UBE2O: variants seen among roughly 807,000 people sequenced by gnomAD.
The protein encoded by UBE2O is ubiquitin conjugating enzyme E2 O.
A neutral mutation model predicts 125.8 loss-of-function variants in UBE2O; 15 were observed. The ratio of observed to expected loss-of-function variants is 0.12; its 90% CI spans 0.08 to 0.18. The LOEUF (loss-of-function observed/expected upper bound fraction) is 0.18. Among genes scored for constraint, UBE2O ranks in the 10% least tolerant of loss-of-function variants. The probability of loss-of-function intolerance (pLI) is 1.00; values close to 1 mark genes in which losing one functional copy is unlikely to be tolerated. For synonymous variants in UBE2O, 708 were observed against 703.2 expected (o/e 1.01, Z -0.11); for missense variants, 1,280 against 1,723.6 (o/e 0.74, Z 4.56).
Position 76,399,473 on chromosome 17 carries a change from G to A in UBE2O, c.1604C>T (p.Thr535Ile), listed in dbSNP as rs1433080297. Residue 535 changes from threonine (T) to isoleucine (I), a missense_variant, in exon 9 of 18, where the codon ACT (threonine) becomes ATT (isoleucine). By Grantham distance (89) the Thr-to-Ile change is moderately conservative. This residue lies in a region of UBE2O where 145 missense variants were observed against 219.6 expected (regional missense o/e 0.66). Coordinates refer to ENST00000319380, the MANE Select transcript of UBE2O (RefSeq NM_022066.4). The surrounding 1 kb of genome is among the most constrained non-coding windows in gnomAD (Gnocchi z 6.9). ...CCTGTCCCCTGGCTTGAAGTCTCGA[G>A]TGATTTTATTCTTCTTCCTCTTGTG... ...RKHKRKKNKI[T>I]RDFKPGDRVA... 4.3e-6 allele frequency: 7 copies of A among 1,614,004 alleles called. No homozygotes were observed. Among genetic ancestry groups the A allele is most frequent in the Non-Finnish European group, 5.1e-6 (6 of 1,179,978 alleles).
At position 76,399,305 on chromosome 17, in the gene UBE2O, T is replaced by C; in HGVS notation, c.1628+144A>G. On this transcript the variant is annotated intron_variant, in intron 9 of 17. Coordinates refer to ENST00000319380, the MANE Select transcript of UBE2O (RefSeq NM_022066.4). This position sits in a 1 kb window ranked among gnomAD's most constrained non-coding sequence, Gnocchi z 6.9. The stretch of plus-strand genomic sequence containing the variant: ...TCCACCAGGGCCTACCCCAGGCACC[T>C]ACGTTGTCTCGGGTGGGAGCCCCGG... The C allele has an allele frequency of 1.1e-6, 1 of 869,780 alleles. No individual in the cohort carries two copies. Among genetic ancestry groups the C allele is most frequent in the South Asian group, 1.7e-5 (1 of 60,268 alleles). 53.9% of individuals were successfully genotyped at this position (869,780 alleles called of 1,614,324 possible). A position where few individuals can be genotyped will look rare whatever the true frequency, so the allele number is the denominator to read the frequency against.
At position 76,410,328 on chromosome 17, in the gene UBE2O, A is replaced by C. The variant is rs1456647370; in HGVS notation, c.418-4756T>G. On this transcript the variant is annotated intron_variant, in intron 1 of 17. Transcript: ENST00000319380. The surrounding 1 kb of genome is among the most constrained non-coding windows in gnomAD (Gnocchi z 4.0). ...ACCTAGGGGTAATTTTGCTCCTCAA[A>C]GGACATTTGGCAATGTCTGGAGACA... 1.3e-5 allele frequency among the ~76,000 whole-genome samples: 2 copies of C among 151,716 alleles called. No individual in the cohort carries two copies. The highest frequency in any genetic ancestry group is 4.8e-5 in the African/African-American group (2 of 41,304).
In UBE2O at chr17:76,401,056, C is replaced by T. The variant is rs1265232313; in HGVS notation, c.849G>A (p.Lys283=). 1.2e-6 allele frequency: 2 copies of T among 1,613,730 alleles called. No homozygotes were observed. The highest frequency in any genetic ancestry group is 3.3e-5 in the Admixed American group (2 of 60,000). The part of the protein sequence containing the change: ...FSSVQWLSGV[K]PVLSTKSKFR... ...ACTTGCTCTTGGTGCTGAGCACGGG[C>T]TTGACACCTGACAGCCACTGGACGC... Residue 283 remains lysine (K), a synonymous_variant, in exon 6 of 18, where the codon AAG becomes AAA. Transcript: ENST00000319380.
At chr17:76,406,702 T>G (rs1206957997) in intron 1 of UBE2O, among the ~76,000 whole-genome samples, 3 of 133,220 alleles carry the variant, frequency 2.3e-5, no homozygotes, top group South Asian at 2.7e-4. Flanking sequence ...GTTTTTTTTT[T>G]TTTTTTTTTT....
chr17:76,397,447 C>T (rs548172847), intron 13 of UBE2O, among the ~76,000 whole-genome samples: 8 of 152,152 alleles, frequency 5.3e-5, no homozygotes, highest in African/African-American at 1.4e-4. Flanking sequence ...TTCTCTCCTT[C>T]TCTGTTAGAG....
intron 1 of UBE2O, among the ~76,000 whole-genome samples, chr17:76,418,218 T>C (rs12453011): frequency 0.47 from 71,129 of 152,128 alleles, 19,140 homozygotes; most frequent in Non-Finnish European, 0.6. Context: ...TCTATACTAT[T>C]AGGCAAAAAA....
intron 1 of UBE2O, among the ~76,000 whole-genome samples, chr17:76,408,373 T>A (rs970827162): frequency 2.6e-5 from 4 of 152,216 alleles, no homozygotes; most frequent in Non-Finnish European, 5.9e-5. Context: ...AGCACATCAC[T>A]GCCATGCTCA....
chr17:76,440,820 G>C (rs1208969653), intron 1 of UBE2O, among the ~76,000 whole-genome samples: 1 of 152,218 alleles, frequency 6.6e-6, no homozygotes, highest in Non-Finnish European at 1.5e-5. Context: ...TAATGGCAAA[G>C]CTGAGTTGTT....
At chr17:76,423,896 CTT>C (rs746126675) in intron 1 of UBE2O, among the ~76,000 whole-genome samples, 14 of 83,506 alleles carry the variant, frequency 1.7e-4, no homozygotes, top group East Asian at 1.3e-3. Context: ...AGGTTGGGTT[CTT>C]TTTTTTTTTT....
Position 76,452,821 on chromosome 17 carries a change from C to T in UBE2O, c.321G>A (p.Ala107=), listed in dbSNP as rs755843042. 4 of 1,507,526 alleles carry T rather than the reference C, an allele frequency of 2.7e-6. No individual in the cohort carries two copies. Among genetic ancestry groups the T allele is most frequent in the South Asian group, 1.3e-5 (1 of 79,848 alleles). 93.4% of individuals were successfully genotyped at this position (1,507,526 alleles called of 1,614,324 possible). The stretch of plus-strand genomic sequence containing the variant: ...GGCTGGCCCGGCCCTCCTCGTGGCC[C>T]GCGCCCCCGGCCTCGGAGCACCCCG... ...GSSGCSEAGG[A]GHEEGRASPL... The change falls in exon 1 of 18, where the codon GCG becomes GCA. Residue 107 remains alanine, a synonymous_variant. Coordinates refer to ENST00000319380, the MANE Select transcript of UBE2O (RefSeq NM_022066.4). This position sits in a 1 kb window ranked among gnomAD's most constrained non-coding sequence, Gnocchi z 4.4.
chr17:76,398,635 A>G lies in UBE2O; in HGVS notation c.1784-51T>C. On this transcript the variant is annotated intron_variant, in intron 10 of 17. Transcript: ENST00000319380. The surrounding 1 kb of genome is among the most constrained non-coding windows in gnomAD (Gnocchi z 5.4). ...ACTAGCTAAGGGATCCCGGCTAAGG[A>G]GCCCACATCTCAAGCCAGTGCAGAG... 1 of 1,580,332 alleles carries G rather than the reference A, an allele frequency of 6.3e-7. No individual in the cohort carries two copies. Among genetic ancestry groups the G allele is most frequent in the South Asian group, 1.1e-5 (1 of 89,948 alleles).
chr17:76,431,423 G>A (rs1297134507), intron 1 of UBE2O, among the ~76,000 whole-genome samples: 1 of 152,190 alleles, frequency 6.6e-6, no homozygotes. Flanking sequence ...GGCTGAGGCA[G>A]GAGAATTGCT....
At position 76,401,128 on chromosome 17, in the gene UBE2O, G is replaced by A. The variant is rs1287817236; in HGVS notation, c.777C>T (p.Gly259=). The part of the protein sequence containing the change: ...DSGLFFDDSY[G]FYPGQVLIGP... ...CAATGAGCACCTGGCCTGGGTAGAA[G>A]CCATAGGAATCATCGAAGAAGAGAC... Residue 259 remains glycine, a synonymous_variant, in exon 6 of 18, where the codon GGC becomes GGT. Transcript: ENST00000319380. 6.2e-7 allele frequency: 1 copy of A among 1,613,820 alleles called. No homozygotes were observed. The highest frequency in any genetic ancestry group is 8.5e-7 in the Non-Finnish European group (1 of 1,180,026).
intron 1 of UBE2O, among the ~76,000 whole-genome samples, chr17:76,450,211 A>G (rs931902444): frequency 3.3e-5 from 5 of 152,166 alleles, no homozygotes. Flanking sequence ...GATGGAATTC[A>G]TAAGGAGCAG....
rs2072091473 is a variant in UBE2O at position 76,390,656 on chromosome 17, G to A, written c.*287C>T. The A allele has an allele frequency of 9.1e-6, 3 of 330,024 alleles. No homozygotes were observed. Among genetic ancestry groups the A allele is most frequent in the South Asian group, 1.0e-4 (2 of 19,720 alleles). 20.4% of individuals were successfully genotyped at this position (330,024 alleles called of 1,614,324 possible). The stretch of plus-strand genomic sequence containing the variant: ...TCTGACCTGAGAAGGGGCAGCAAGG[G>A]AGCAAGTGCCGGACATTCTGCTGGG... On this transcript the variant is annotated 3_prime_UTR_variant, in exon 18 of 18. Coordinates refer to ENST00000319380, the MANE Select transcript of UBE2O (RefSeq NM_022066.4).
chr17:76,399,776 T>A lies in UBE2O; in HGVS notation c.1301A>T (p.Glu434Val). 6.2e-7 allele frequency: 1 copy of A among 1,614,212 alleles called. No homozygotes were observed. The highest frequency in any genetic ancestry group is 8.5e-7 in the Non-Finnish European group (1 of 1,180,024). Residue 434 changes from glutamate to valine, a missense_variant, in exon 9 of 18, where the codon GAG becomes GTG. Transcript: ENST00000319380. The surrounding 1 kb of genome is among the most constrained non-coding windows in gnomAD (Gnocchi z 6.9). ...TGGACTGGCAGAGCCATCGGGCGTC[T>A]CCTCAGGGCTGGCAGACTCCGCTTC... ...KSEAESASPE[E>V]TPDGSASPVE...
chr17:76,396,092 CG>C lies in UBE2O; in HGVS notation c.2809+35del. On this transcript the variant is annotated intron_variant, in intron 14 of 17. Transcript: ENST00000319380. This position sits in a 1 kb window ranked among gnomAD's most constrained non-coding sequence, Gnocchi z 6.7. ...GACACAAACAGGAGCCCCGAGAAGGCGGGGGAAGGCGAAGACCAGGCAAGGG... is the reference window on the plus strand; with the variant it reads ...GACACAAACAGGAGCCCCGAGAAGGCGGGGAAGGCGAAGACCAGGCAAGGG... 1 of 1,601,112 alleles carries C rather than the reference CG, an allele frequency of 6.2e-7. No homozygotes were observed.
intron 1 of UBE2O, among the ~76,000 whole-genome samples, chr17:76,431,817 A>G (rs1221865007): frequency 6.6e-6 from 1 of 152,182 alleles, no homozygotes; most frequent in South Asian, 2.1e-4. Flanking sequence ...GAACAGCTCC[A>G]TTAGAAACTC....
intron 1 of UBE2O, chr17:76,430,459 G>C: frequency 4.0e-6 from 1 of 249,822 alleles, no homozygotes; most frequent in South Asian, 4.8e-5. Flanking sequence ...GGCCCTCCCT[G>C]TTGGCAGCAG....
Sources: gnomAD v4.1 joint callset for allele counts (sites outside exome capture counted in the v4.1 genomes callset) on GRCh38, gnomAD v4.1.1 for gene constraint, gnomAD v4.1.1 regional missense constraint, Gnocchi (gnomAD v3.1) non-coding constraint, MANE v1.5 for transcripts, NCBI Gene and HGNC (gene_info 2026-07-23, HGNC 2026-07-21) for gene names.